PRAMEF2: variants seen among roughly 807,000 people sequenced by gnomAD.
PRAMEF2 encodes the protein PRAME family member 2.
In PRAMEF2, 35 loss-of-function variants were observed where a neutral mutation model predicts 38.0. That is an observed-to-expected ratio of 0.92 (90% CI 0.70 to 1.22). The LOEUF is 1.22. Among genes scored for constraint, PRAMEF2 ranks in the 50% most tolerant of loss-of-function variants. PRAMEF2 has a pLI of 0.00. For synonymous variants in PRAMEF2, 240 were observed against 232.4 expected (o/e 1.03, Z -0.30); for missense variants, 562 against 553.9 (o/e 1.01, Z -0.15).
At chr1:12,858,158 C>T (rs35236980) in intron 1 of PRAMEF2, among the ~76,000 whole-genome samples, 69,600 of 149,102 alleles carry the variant, frequency 0.47, 17,310 homozygotes, top group East Asian at 0.54. Flanking sequence ...GGAAACTCTG[C>T]CTCTGGGCTT....
Position 12,861,388 on chromosome 1 carries a change from A to G in PRAMEF2, c.1034A>G (p.Glu345Gly), listed in dbSNP as rs1204918825. 1 of 1,604,324 alleles carries G rather than the reference A, an allele frequency of 6.2e-7. No homozygotes were observed. Among genetic ancestry groups the G allele is most frequent in the East Asian group, 2.2e-5 (1 of 44,498 alleles). Residue 345 changes from glutamate (E) to glycine (G), a missense_variant, in exon 4 of 4, where the codon GAG becomes GGG. Physicochemically the swap from Glu to Gly is moderately conservative, Grantham distance 98 (BLOSUM62 -2). Transcript: ENST00000240189. ...CTTGAACCCCTAGGAGCTCTGCTAGAGAAAATTGCTGCCTCTCTCGAGACC... is the reference window on the plus strand; with the variant it reads ...CTTGAACCCCTAGGAGCTCTGCTAGGGAAAATTGCTGCCTCTCTCGAGACC... The part of the protein sequence containing the change: ...ISLEPLGALL[E>G]KIAASLETLV...
At position 12,860,008 on chromosome 1, in the gene PRAMEF2, A is replaced by G. The variant is rs1408970932; in HGVS notation, c.603A>G (p.Ile201Met). The G allele has an allele frequency of 1.2e-6, 2 of 1,607,190 alleles. No individual in the cohort carries two copies. Among genetic ancestry groups the G allele is most frequent in the East Asian group, 2.2e-5 (1 of 44,698 alleles). ...AATATCTCAGAAAGTCATTGAAAAT[A>G]ATATACATTAATAGTATTGGGGAGC... The part of the protein sequence containing the change: ...PIKYLRKSLK[I>M]IYINSIGELE... The change falls in exon 3 of 4, where the codon ATA becomes ATG. Residue 201 changes from isoleucine (I) to methionine (M), a missense_variant. By Grantham distance (10) the Ile-to-Met change is conservative (BLOSUM62 1). Transcript: ENST00000240189.
At chr1:12,857,322 G>C (rs913785484) in intron 1 of PRAMEF2, among the ~76,000 whole-genome samples, 175 bp downstream of exon 1, 8 of 149,696 alleles carry the variant, frequency 5.3e-5, no homozygotes, top group African/African-American at 2.0e-4. Context: ...ATCAGATTGT[G>C]ATTTGTGCTT....
chr1:12,860,312 A>G (rs1640526762), intron 3 of PRAMEF2, 41 bp downstream of exon 3: 1 of 1,602,306 alleles, frequency 6.2e-7, no homozygotes, highest in Non-Finnish European at 8.5e-7. Context: ...ACCACAGCAC[A>G]GACTTGTTCT....
In PRAMEF2 at chr1:12,861,605, G is replaced by A. The variant is rs778190625; in HGVS notation, c.1251G>A (p.Glu417=). 55 of 1,604,004 alleles carry A rather than the reference G, an allele frequency of 3.4e-5. 2 individuals carry two copies. Among genetic ancestry groups the A allele is most frequent in the South Asian group, 9.9e-5 (9 of 90,504 alleles). ...TGGAGACGTATCCTGCCCCTGAGGA[G>A]AGTTTGAATTCCTTGGTTCGTGTCA... ...LSLETYPAPE[E]SLNSLVRVNW... is the part of the protein sequence containing the mutation. Residue 417 remains glutamate, a synonymous_variant, in exon 4 of 4, where the codon GAG becomes GAA. Coordinates refer to ENST00000240189, the MANE Select transcript of PRAMEF2 (RefSeq NM_023014.1).
intron 2 of PRAMEF2, among the ~76,000 whole-genome samples, 187 bp from the exon 3 acceptor site, chr1:12,859,506 C>T (rs2142751): frequency 0.025 from 3,719 of 150,088 alleles, 73 homozygotes; most frequent in South Asian, 0.055. Flanking sequence ...CCGGCCTTTA[C>T]TCAGTGGAAG....
At position 12,860,015 on chromosome 1, in the gene PRAMEF2, A is replaced by G; in HGVS notation, c.610A>G (p.Ile204Val). 6.2e-7 allele frequency: 1 copy of G among 1,602,680 alleles called. No homozygotes were observed. The highest frequency in any genetic ancestry group is 1.1e-5 in the South Asian group (1 of 89,958). ...CAGAAAGTCATTGAAAATAATATAC[A>G]TTAATAGTATTGGGGAGCTGGAAAT... The part of the protein sequence containing the change: ...YLRKSLKIIY[I>V]NSIGELEIHN... Residue 204 changes from isoleucine to valine, a missense_variant, in exon 3 of 4, where the codon ATT becomes GTT. This residue lies in a region of PRAMEF2 where 486 missense variants were observed against 444.2 expected (regional missense o/e 1.09). Transcript: ENST00000240189.
chr1:12,857,809 C>G (rs956071338), intron 1 of PRAMEF2, among the ~76,000 whole-genome samples: 1 of 145,478 alleles, frequency 6.9e-6, no homozygotes, highest in South Asian at 2.2e-4. Context: ...TGTGATTCTC[C>G]TGCTTCAGCC....
At chr1:12,861,101 T>G (rs1640540515) in intron 3 of PRAMEF2, 120 bp from the exon 4 acceptor site, 1 of 1,200,590 alleles carries the variant, frequency 8.3e-7, no homozygotes, top group African/African-American at 1.5e-5. Flanking sequence ...ATGAGGACCA[T>G]CATCAGATGG....
chr1:12,859,035 T>C lies in PRAMEF2; in HGVS notation c.26T>C (p.Leu9Pro). ...ATGAGCATCCAGGCCCCACCGAGAC[T>C]ACTGGAGCTGGCGGGGCAGAGCCTG... MSIQAPPRLLELAGQSLLR... is the reference protein window; with the variant it reads MSIQAPPRPLELAGQSLLR... Residue 9 changes from leucine (L) to proline (P), a missense_variant, in exon 2 of 4, where the codon CTA becomes CCA. This residue lies in a region of PRAMEF2 where 486 missense variants were observed against 444.2 expected (regional missense o/e 1.09). Transcript: ENST00000240189. The C allele has an allele frequency of 1.9e-6, 3 of 1,604,376 alleles. No homozygotes were observed. Among genetic ancestry groups the C allele is most frequent in the East Asian group, 4.5e-5 (2 of 44,666 alleles).
Position 12,861,550 on chromosome 1 carries a change from G to A in PRAMEF2, c.1196G>A (p.Arg399His), listed in dbSNP as rs143742734. 47 of 1,605,228 alleles carry A rather than the reference G, an allele frequency of 2.9e-5. 2 individuals carry two copies. The highest frequency in any genetic ancestry group is 2.2e-4 in the Middle Eastern group (1 of 4,448). Residue 399 changes from arginine to histidine, a missense_variant, in exon 4 of 4, where the codon CGC becomes CAC. Transcript: ENST00000240189. ...MSIDALKDLL[R>H]HTSGLSKLSL... ...ATTGACGCCCTGAAGGACCTGCTGC[G>A]CCACACCAGTGGGCTGAGCAAGTTA...
Position 12,861,834 on chromosome 1 carries a change from A to C in PRAMEF2, c.*55A>C. On this transcript the variant is annotated 3_prime_UTR_variant, in exon 4 of 4. Coordinates refer to ENST00000240189, the MANE Select transcript of PRAMEF2 (RefSeq NM_023014.1). ...CCAAAGTTCTCTTCCAGGCACTTGGACACTAAAATCTACTATGTAGGTGCA... is the reference window on the plus strand; with the variant it reads ...CCAAAGTTCTCTTCCAGGCACTTGGCCACTAAAATCTACTATGTAGGTGCA... 1 of 1,559,926 alleles carries C rather than the reference A, an allele frequency of 6.4e-7. No individual in the cohort carries two copies. The highest frequency in any genetic ancestry group is 8.7e-7 in the Non-Finnish European group (1 of 1,151,976).
Position 12,859,095 on chromosome 1 carries a change from A to G in PRAMEF2, c.86A>G (p.Glu29Gly). The G allele has an allele frequency of 6.2e-7, 1 of 1,604,710 alleles. No homozygotes were observed. Among genetic ancestry groups the G allele is most frequent in the Non-Finnish European group, 8.5e-7 (1 of 1,176,554 alleles). Residue 29 changes from glutamate to glycine, a missense_variant, in exon 2 of 4, where the codon GAG becomes GGG. By Grantham distance (98) the Glu-to-Gly change is moderately conservative. Transcript: ENST00000240189. Reference protein sequence around the residue: ...RDQALSISAMEELPRVLYLPL... With the variant: ...RDQALSISAMGELPRVLYLPL... Reference sequence around the variant, plus strand: ...CAGGCCTTGTCCATCTCTGCCATGGAGGAGCTGCCCAGGGTGCTCTATCTC... The same window carrying G: ...CAGGCCTTGTCCATCTCTGCCATGGGGGAGCTGCCCAGGGTGCTCTATCTC...
In PRAMEF2 at chr1:12,859,417, C is replaced by A. The variant is rs75617687; in HGVS notation, c.287+121C>A. ...TCTTCTGATGGTGTTGGCGAGGAAG[C>A]TCAGGGAGGCTTTGGCCATTGTCCA... On this transcript the variant is annotated intron_variant, in intron 2 of 3. Transcript: ENST00000240189. 330 of 1,543,388 alleles carry A rather than the reference C, an allele frequency of 2.1e-4. 6 individuals carry two copies. The highest frequency in any genetic ancestry group is 4.5e-4 in the South Asian group (37 of 82,762).
rs374581141 is a variant in PRAMEF2 at position 12,861,695 on chromosome 1, C to T, written c.1341C>T (p.Pro447=). 14 of 1,570,580 alleles carry T rather than the reference C, an allele frequency of 8.9e-6. 1 individual carries two copies. The African/African-American group carries it at 1.4e-4, about 16-fold the overall frequency. ...GTACACTGAGGGAATTCAGGCAGCCCAAGAGGATCTTCATTGGCCCCACCC... is the reference window on the plus strand; with the variant it reads ...GTACACTGAGGGAATTCAGGCAGCCTAAGAGGATCTTCATTGGCCCCACCC... ...LMCTLREFRQ[P]KRIFIGPTPC... The change falls in exon 4 of 4, where the codon CCC becomes CCT. Residue 447 remains proline, a synonymous_variant. Coordinates refer to ENST00000240189, the MANE Select transcript of PRAMEF2 (RefSeq NM_023014.1).
At chr1:12,860,726 G>C (rs371585587) in intron 3 of PRAMEF2, among the ~76,000 whole-genome samples, 2 of 150,396 alleles carry the variant, frequency 1.3e-5, no homozygotes, top group African/African-American at 2.4e-5. Context: ...TCTGCAAAAC[G>C]TTGTTTTGAA....
In PRAMEF2 at chr1:12,859,904, C is replaced by A. The variant is rs1370145229; in HGVS notation, c.499C>A (p.Leu167Ile). 9 of 1,608,612 alleles carry A rather than the reference C, an allele frequency of 5.6e-6. No homozygotes were observed. Among genetic ancestry groups the A allele is most frequent in the Non-Finnish European group, 7.6e-6 (9 of 1,177,430 alleles). ...ACCCCAGGATGAATGCCTGAGATAC[C>A]TCTTCCAGTGGGTTTACCAAAGGAG... ...EIPQDECLRYLFQWVYQRRGL... is the reference protein window; with the variant it reads ...EIPQDECLRYIFQWVYQRRGL... The change falls in exon 3 of 4, where the codon CTC becomes ATC. Residue 167 changes from leucine (L) to isoleucine (I), a missense_variant. By Grantham distance (5) the Leu-to-Ile change is conservative. Around this residue, in one of 2 missense-constraint regions of PRAMEF2, gnomAD observed 486 missense variants for 444.2 expected, o/e 1.09. Transcript: ENST00000240189.
At position 12,860,155 on chromosome 1, in the gene PRAMEF2, A is replaced by G; in HGVS notation, c.750A>G (p.Glu250=). The G allele has an allele frequency of 6.2e-7, 1 of 1,605,828 alleles. No individual in the cohort carries two copies. ...SRCHHYTSDN[E]LEGWLVTRFT... Reference sequence around the variant, plus strand: ...GCCATCATTACACGTCAGATAATGAACTCGAGGGATGGTTAGTCACCAGAT... The same window carrying G: ...GCCATCATTACACGTCAGATAATGAGCTCGAGGGATGGTTAGTCACCAGAT... The change falls in exon 3 of 4, where the codon GAA becomes GAG. Residue 250 remains glutamate (E), a synonymous_variant. Transcript: ENST00000240189.
intron 1 of PRAMEF2, 51 bp downstream of exon 1, chr1:12,857,198 G>A (rs1640463733): frequency 6.8e-6 from 1 of 147,922 alleles, no homozygotes; most frequent in Non-Finnish European, 1.5e-5. Context: ...CAGCCAGCCA[G>A]TCAGGGACGG....
Sources: allele counts gnomAD v4.1 joint callset (sites outside exome capture counted in the v4.1 genomes callset), GRCh38; gene constraint gnomAD v4.1.1; regional missense constraint gnomAD v4.1.1; transcripts MANE v1.5; gene names NCBI Gene and HGNC (gene_info 2026-07-23, HGNC 2026-07-21).